The following DHX37 variants were observed in gnomAD, a reference collection of about 807,000 sequenced individuals.
DHX37 encodes the protein DEAH-box helicase 37.
DHX37 carries 52 observed loss-of-function variants against 134.3 expected under a neutral mutation model. The observed-to-expected ratio is 0.39, with a 90% CI of 0.31 to 0.49. The LOEUF (loss-of-function observed/expected upper bound fraction) is 0.49, where lower values mean the gene tolerates loss of function less well. Ranked by LOEUF, DHX37 falls within the 20% of genes least tolerant of loss-of-function variation. DHX37 has a pLI of 0.93. For synonymous variants in DHX37, 634 were observed against 670.7 expected (o/e 0.95, Z 0.85); for missense variants, 1,344 against 1,580.8 (o/e 0.85, Z 2.54).
intron 9 of DHX37, 50 bp downstream of exon 9, chr12:124,968,817 G>A (rs761072555): frequency 1.2e-6 from 2 of 1,609,812 alleles, no homozygotes; most frequent in Non-Finnish European, 1.7e-6. Flanking sequence ...CCGACACCAG[G>A]GCGTCCTTGT....
intron 19 of DHX37, 37 bp downstream of exon 19, chr12:124,954,050 G>GACCCTCCCGCC: frequency 6.2e-7 from 1 of 1,608,854 alleles, no homozygotes; most frequent in East Asian, 2.2e-5. Context: ...AGACCTGGGT[G>GACCCTCCCGCC]ACCCTCCCGC....
intron 4 of DHX37, 56 bp from the exon 5 acceptor site, chr12:124,977,546 G>C (rs1954671968): frequency 6.6e-7 from 1 of 1,508,754 alleles, no homozygotes; most frequent in South Asian, 1.3e-5. Flanking sequence ...ACAGTGATGG[G>C]ACCTCCAGGA....
intron 1 of DHX37, among the ~76,000 whole-genome samples, chr12:124,988,140 C>G (rs1954909553): frequency 6.6e-6 from 1 of 152,020 alleles, no homozygotes; most frequent in Admixed American, 6.6e-5. Flanking sequence ...ACTACAGGTG[C>G]CCACCACCAC....
rs769843475 is a variant in DHX37 at position 124,982,604 on chromosome 12, T to C, written c.296A>G (p.Lys99Arg). Residue 99 changes from lysine to arginine, a missense_variant, in exon 3 of 27, where the codon AAG becomes AGG. Lys to Arg is a conservative substitution (Grantham distance 26). Around this residue, in one of 7 missense-constraint regions of DHX37, gnomAD observed 319 missense variants for 296.1 expected, o/e 1.08. Coordinates refer to ENST00000308736, the MANE Select transcript of DHX37 (RefSeq NM_032656.4). ...KKSQRAEMLQ[K>R]LSEVQASEAE... Reference sequence around the variant, plus strand: ...TTCGGAAGCCTGGACTTCACTCAGCTTCTGTAGCATCTCTGCTCGCTGGGA... The same window carrying C: ...TTCGGAAGCCTGGACTTCACTCAGCCTCTGTAGCATCTCTGCTCGCTGGGA... 1 of 1,613,684 alleles carries C rather than the reference T, an allele frequency of 6.2e-7. No individual in the cohort carries two copies. Among genetic ancestry groups the C allele is most frequent in the East Asian group, 2.2e-5 (1 of 44,862 alleles).
At chr12:124,961,308 A>ACGCACG (rs2135941051) in intron 15 of DHX37, among the ~76,000 whole-genome samples, 1 of 147,278 alleles carries the variant, frequency 6.8e-6, no homozygotes, top group African/African-American at 2.6e-5. Flanking sequence ...GCACGCACGC[A>ACGCACG]CACACACTTA....
chr12:124,959,602 A>G (rs1954185152), intron 16 of DHX37, among the ~76,000 whole-genome samples: 1 of 152,180 alleles, frequency 6.6e-6, no homozygotes, highest in African/African-American at 2.4e-5. Flanking sequence ...TCACAAAACC[A>G]CAGGAATAAA....
intron 25 of DHX37, chr12:124,948,561 A>C (rs1953915718): frequency 3.8e-6 from 1 of 263,008 alleles, no homozygotes; most frequent in African/African-American, 2.2e-5. Flanking sequence ...AGCCTGGCTA[A>C]CATGGTGAAA....
At chr12:124,957,889 C>T (rs751097960) in intron 16 of DHX37, among the ~76,000 whole-genome samples, 1 of 152,188 alleles carries the variant, frequency 6.6e-6, no homozygotes, top group Non-Finnish European at 1.5e-5. Context: ...ACGTGGGCCA[C>T]CCATAAAATG....
chr12:124,950,311 C>G, intron 23 of DHX37, 68 bp from the exon 24 acceptor site: 5 of 1,606,596 alleles, frequency 3.1e-6, no homozygotes, highest in Non-Finnish European at 4.2e-6. Flanking sequence ...ATCCCTGCCC[C>G]ACCCGAGACA....
chr12:124,947,505 A>T lies in DHX37; in HGVS notation c.*297T>A, dbSNP rs1485580244. ...GAGATCTCCAGCCCTGCTGCTCCAC[A>T]GGGGACTAATGTAGTCCAAAGAGCA... is the stretch of plus-strand genomic sequence containing the variant. On this transcript the variant is annotated 3_prime_UTR_variant, in exon 27 of 27. Transcript: ENST00000308736. The T allele has an allele frequency of 2.9e-5, 9 of 305,290 alleles. No homozygotes were observed. The highest frequency in any genetic ancestry group is 1.8e-5 in the Non-Finnish European group (3 of 166,254). 18.9% of individuals were successfully genotyped at this position (305,290 alleles called of 1,614,324 possible).
At chr12:124,979,268 G>C (rs1033914470) in intron 4 of DHX37, among the ~76,000 whole-genome samples, 5 of 152,170 alleles carry the variant, frequency 3.3e-5, no homozygotes, top group Admixed American at 1.3e-4. Context: ...CTTTGGGAGG[G>C]TGAGGCAGGA....
chr12:124,973,775 G>A (rs1459955855), intron 6 of DHX37, among the ~76,000 whole-genome samples: 1 of 151,496 alleles, frequency 6.6e-6, no homozygotes, highest in African/African-American at 2.4e-5. Context: ...CTGAATAGCT[G>A]GATTACAGGC....
rs1244690050 is a variant in DHX37 at position 124,973,212 on chromosome 12, G to A, written c.981-613C>T. ...GTGGGTGGATCACCTGAGGTGAGGA[G>A]TTCAAGACCAGCCTGGCCAACATGG... On this transcript the variant is annotated intron_variant, in intron 6 of 26. Coordinates refer to ENST00000308736, the MANE Select transcript of DHX37 (RefSeq NM_032656.4). Among the ~76,000 whole-genome samples the A allele has an allele frequency of 2.0e-5, 3 of 152,126 alleles. No individual in the cohort carries two copies. In the East Asian group the frequency reaches 5.8e-4, roughly 29 times the overall value.
chr12:124,965,588 CG>C, intron 13 of DHX37, 79 bp downstream of exon 13: 6 of 1,466,066 alleles, frequency 4.1e-6, no homozygotes, highest in Non-Finnish European at 3.6e-6. Context: ...CCCCGGCCCC[CG>C]GGGGGCCCAC....
chr12:124,964,350 C>T, intron 15 of DHX37, 44 bp downstream of exon 15: 6 of 1,605,742 alleles, frequency 3.7e-6, no homozygotes, highest in Non-Finnish European at 5.1e-6. Context: ...GTGGCTATTG[C>T]AAGGCGGCAC....
chr12:124,948,058 C>T (rs1298393743), intron 26 of DHX37, 26 bp downstream of exon 26: 10 of 1,614,236 alleles, frequency 6.2e-6, no homozygotes, highest in African/African-American at 1.3e-5. Flanking sequence ...TGTCTACTCC[C>T]ACCCCCTGGC....
At chr12:124,958,911 T>A in intron 16 of DHX37, among the ~76,000 whole-genome samples, 1 of 98,188 alleles carries the variant, frequency 1.0e-5, no homozygotes, top group Non-Finnish European at 1.8e-5. Context: ...TGCACCCAGC[T>A]TTTTTTTTTT....
At chr12:124,971,952 G>A (rs974149848) in intron 7 of DHX37, among the ~76,000 whole-genome samples, 4 of 152,232 alleles carry the variant, frequency 2.6e-5, no homozygotes, top group Admixed American at 2.6e-4. Context: ...ATTTACAAAT[G>A]GAAAGTCCTT....
Position 124,967,077 on chromosome 12 carries a change from A to G in DHX37, c.1504+46T>C, listed in dbSNP as rs770686250. ...ACCCCAGCCAGGGAGCGCGAGGCCA[A>G]GCCCAGCTGCTCAGGGCAGAGTGCT... On this transcript the variant is annotated intron_variant, in intron 11 of 26. Transcript: ENST00000308736. 1.9e-6 allele frequency: 3 copies of G among 1,601,980 alleles called. No individual in the cohort carries two copies. The Admixed American group carries it at 5.0e-5, about 27-fold the overall frequency.
Sources: gnomAD v4.1 joint callset for allele counts (sites outside exome capture counted in the v4.1 genomes callset) on GRCh38, gnomAD v4.1.1 for gene constraint, gnomAD v4.1.1 regional missense constraint, MANE v1.5 for transcripts, NCBI Gene and HGNC (gene_info 2026-07-23, HGNC 2026-07-21) for gene names.